Variants in ELOVL2 observed in about 807,000 individuals in gnomAD.
The protein encoded by ELOVL2 is very long chain fatty acid elongase 2.
Under a neutral mutation model 37.7 loss-of-function variants are expected in ELOVL2, and 38 were observed. The ratio of observed to expected loss-of-function variants is 1.01; its 90% confidence interval spans 0.78 to 1.32. The LOEUF (loss-of-function observed/expected upper bound fraction) is 1.32, where lower values mean the gene tolerates loss of function less well. Ranked by LOEUF, ELOVL2 falls within the 40% of genes most tolerant of loss-of-function variation. The probability of loss-of-function intolerance (pLI) is 0.00; values close to 1 mark genes in which losing one functional copy is unlikely to be tolerated. For synonymous variants in ELOVL2, 115 were observed against 122.3 expected, an observed-to-expected ratio of 0.94 and a Z score of 0.40; for missense variants, 352 against 363.6, an observed-to-expected ratio of 0.97 and a Z score of 0.26.
intron 4 of ELOVL2, among the ~76,000 whole-genome samples, chr6:10,999,813 T>A (rs1358937935): frequency 3.3e-5 from 5 of 152,260 alleles, no homozygotes. Flanking sequence ...TTTGTTCATG[T>A]AACTATATCC....
At chr6:10,990,229 C>A in intron 6 of ELOVL2, 89 bp downstream of exon 6, 1 of 1,527,112 alleles carries the variant, frequency 6.5e-7, no homozygotes, top group Non-Finnish European at 8.8e-7. Flanking sequence ...CCTCATCACA[C>A]ATAAAAAGCC....
chr6:11,039,146 T>G (rs76672781), intron 1 of ELOVL2, among the ~76,000 whole-genome samples: 3,470 of 152,340 alleles, frequency 0.023, 152 homozygotes, highest in East Asian at 0.19. Context: ...AGGCCCCATT[T>G]GATTCTAACA....
chr6:10,994,094 T>G (rs1782219709), intron 5 of ELOVL2, among the ~76,000 whole-genome samples: 1 of 150,284 alleles, frequency 6.7e-6, no homozygotes, highest in Non-Finnish European at 1.5e-5. Context: ...GCCCAGGAGG[T>G]TAAGGCTGCG....
At chr6:10,984,952 G>T (rs1035829259) in intron 7 of ELOVL2, among the ~76,000 whole-genome samples, 3 of 152,168 alleles carry the variant, frequency 2.0e-5, no homozygotes, top group African/African-American at 7.2e-5. Flanking sequence ...TTCCACAAGG[G>T]TTGAACTAGT....
In ELOVL2 at chr6:10,982,407, A is replaced by T. The variant is rs190189205; in HGVS notation, c.*1374T>A. The T allele has an allele frequency of 2.6e-5, 4 of 152,234 alleles. No individual in the cohort carries two copies. Among genetic ancestry groups the T allele is most frequent in the East Asian group, 1.9e-4 (1 of 5,190 alleles). The allele number at this position is 152,234 out of a possible 1,614,324, so 9.4% of individuals were successfully genotyped here. A position where few individuals can be genotyped will look rare whatever the true frequency, so the allele number is the denominator to read the frequency against. On this transcript the variant is annotated 3_prime_UTR_variant, in exon 8 of 8. Coordinates refer to ENST00000354666, the MANE Select transcript of ELOVL2 (RefSeq NM_017770.4). ...AGTGTCAGGACCTAAAAACTTATTTAAAAAAATAAGGCAGGAGAGAAGATG... is the reference window on the plus strand; with the variant it reads ...AGTGTCAGGACCTAAAAACTTATTTTAAAAAATAAGGCAGGAGAGAAGATG...
chr6:11,002,463 A>G (rs750479918), intron 3 of ELOVL2, among the ~76,000 whole-genome samples: 13 of 152,216 alleles, frequency 8.5e-5, no homozygotes, highest in Non-Finnish European at 1.6e-4. Context: ...ACATACCCCC[A>G]GAGTGTCAAA....
chr6:10,999,006 CTT>C (rs1782325382), intron 4 of ELOVL2, among the ~76,000 whole-genome samples: 1 of 151,984 alleles, frequency 6.6e-6, no homozygotes, highest in African/African-American at 2.4e-5. Flanking sequence ...TTATTATACA[CTT>C]AATTTATCCC....
intron 3 of ELOVL2, among the ~76,000 whole-genome samples, chr6:11,003,298 T>C (rs775299043): frequency 6.6e-6 from 1 of 152,182 alleles, no homozygotes; most frequent in Non-Finnish European, 1.5e-5. Context: ...GTGCTCTCCC[T>C]ACCCTTGCTC....
At position 11,000,138 on chromosome 6, in the gene ELOVL2, G is replaced by A; in HGVS notation, c.282C>T (p.Gly94=). ...TAAGATCTTGACACTGTAAGTTGTA[G>A]CCTCCTTCCCAAGTGGAGAGAATGA... ...AELILSTWEG[G]YNLQCQDLTS... is the part of the protein sequence containing the mutation. The change falls in exon 4 of 8, where the codon GGC becomes GGT. Residue 94 remains glycine, a synonymous_variant. Transcript: ENST00000354666. 6.2e-7 allele frequency: 1 copy of A among 1,614,172 alleles called. No individual in the cohort carries two copies. Among genetic ancestry groups the A allele is most frequent in the African/African-American group, 1.3e-5 (1 of 75,040 alleles).
intron 2 of ELOVL2, among the ~76,000 whole-genome samples, chr6:11,009,674 G>A (rs1341649421): frequency 2.6e-5 from 4 of 152,214 alleles, no homozygotes; most frequent in Non-Finnish European, 4.4e-5. Context: ...GATGGCTTGA[G>A]CAGCTGTATG....
At chr6:11,015,054 G>A (rs1164783542) in intron 1 of ELOVL2, among the ~76,000 whole-genome samples, 1 of 152,044 alleles carries the variant, frequency 6.6e-6, no homozygotes, top group Non-Finnish European at 1.5e-5. Context: ...AACAATTGAT[G>A]TACACACAAC....
chr6:10,981,280 T>C lies in ELOVL2; in HGVS notation c.*2501A>G, dbSNP rs1429651775. The C allele has an allele frequency of 6.6e-6, 1 of 152,626 alleles. No homozygotes were observed. Among genetic ancestry groups the C allele is most frequent in the African/African-American group, 2.4e-5 (1 of 41,452 alleles). 9.5% of individuals were successfully genotyped at this position (152,626 alleles called of 1,614,324 possible). A position where few individuals can be genotyped will look rare whatever the true frequency, so the allele number is the denominator to read the frequency against. ...TTTGAGAGAAAACATTCTCCATTTT[T>C]TTTAATAGATTATAGAAATATTAAT... On this transcript the variant is annotated 3_prime_UTR_variant, in exon 8 of 8. Coordinates refer to ENST00000354666, the MANE Select transcript of ELOVL2 (RefSeq NM_017770.4).
At chr6:11,027,619 GTAT>G (rs1782858243) in intron 1 of ELOVL2, among the ~76,000 whole-genome samples, 2 of 152,132 alleles carry the variant, frequency 1.3e-5, no homozygotes, top group African/African-American at 4.8e-5. Context: ...CACAAAACTA[GTAT>G]TATTTTTCTT....
At chr6:10,996,952 C>T (rs1782280588) in intron 4 of ELOVL2, among the ~76,000 whole-genome samples, 2 of 151,652 alleles carry the variant, frequency 1.3e-5, no homozygotes, top group South Asian at 2.1e-4. Flanking sequence ...AGAGGTTGCA[C>T]TGAGCCGAGA....
At chr6:11,036,898 A>G (rs1040388536) in intron 1 of ELOVL2, among the ~76,000 whole-genome samples, 1 of 144,896 alleles carries the variant, frequency 6.9e-6, no homozygotes, top group African/African-American at 2.7e-5. Context: ...TTCTTCTTTC[A>G]AAGCATGAGT....
chr6:10,991,467 TATAATA>T (rs745418509), intron 5 of ELOVL2, among the ~76,000 whole-genome samples: 18 of 152,166 alleles, frequency 1.2e-4, no homozygotes, highest in Non-Finnish European at 2.4e-4. Flanking sequence ...GGAAAATAGG[TATAATA>T]ATAATAACTA....
chr6:11,032,389 T>C (rs1202065595), intron 1 of ELOVL2, among the ~76,000 whole-genome samples: 1 of 151,314 alleles, frequency 6.6e-6, no homozygotes, highest in African/African-American at 2.4e-5. Context: ...ATAGGGCCTC[T>C]ATAGGGTCAC....
chr6:11,031,266 G>A (rs1299704453), intron 1 of ELOVL2, among the ~76,000 whole-genome samples: 1 of 151,948 alleles, frequency 6.6e-6, no homozygotes, highest in African/African-American at 2.4e-5. Flanking sequence ...ATCTCCTTAT[G>A]TTTATTAATG....
intron 2 of ELOVL2, among the ~76,000 whole-genome samples, chr6:11,009,263 T>C (rs1191065059): frequency 6.6e-6 from 1 of 152,188 alleles, no homozygotes; most frequent in Non-Finnish European, 1.5e-5. Context: ...AGCCTGCAGA[T>C]ACTCCCAAAC....
Sources: gnomAD v4.1 joint callset for allele counts (sites outside exome capture counted in the v4.1 genomes callset) on GRCh38, gnomAD v4.1.1 for gene constraint, MANE v1.5 for transcripts, NCBI Gene and HGNC (gene_info 2026-07-23, HGNC 2026-07-21) for gene names.